VAPA: variants seen among roughly 807,000 people sequenced by gnomAD.
The protein encoded by VAPA is VAMP associated protein A.
In VAPA, 6 loss-of-function variants were observed where a neutral mutation model predicts 25.6. The ratio of observed to expected loss-of-function variants is 0.23; its 90% CI spans 0.13 to 0.46. The LOEUF is 0.46. Among genes scored for constraint, VAPA ranks in the 20% least tolerant of loss-of-function variants. The pLI is 0.99. For synonymous variants in VAPA, 112 were observed against 106.2 expected (o/e 1.05, Z -0.34); for missense variants, 244 against 302.1 (o/e 0.81, Z 1.43).
chr18:9,959,892 G>A lies in VAPA; in HGVS notation c.*5681G>A, dbSNP rs993426026. The A allele has an allele frequency of 1.1e-4, 16 of 152,054 alleles. No individual in the cohort carries two copies. The highest frequency in any genetic ancestry group is 3.9e-4 in the African/African-American group (16 of 41,412). The allele number at this position is 152,054 out of a possible 1,614,324, so 9.4% of individuals were successfully genotyped here. A position where few individuals can be genotyped will look rare whatever the true frequency, so the allele number is the denominator to read the frequency against. ...TTTTTGTGCTGTTTTAATTCAAAAT[G>A]TATATCCTTAATTGTATATAATATG... On this transcript the variant is annotated 3_prime_UTR_variant, in exon 6 of 6. Transcript: ENST00000400000.
intron 1 of VAPA, among the ~76,000 whole-genome samples, chr18:9,928,583 C>CT (rs1316592589): frequency 6.6e-6 from 1 of 152,098 alleles, no homozygotes; most frequent in Non-Finnish European, 1.5e-5. Context: ...GTTCTTAACT[C>CT]TAACTTCATA....
Position 9,914,177 on chromosome 18 carries a change from AGCCGTCGCC to A in VAPA, c.-72_-64del. 2 of 1,323,912 alleles carry A rather than the reference AGCCGTCGCC, an allele frequency of 1.5e-6. No homozygotes were observed. Among genetic ancestry groups the A allele is most frequent in the Non-Finnish European group, 2.1e-6 (2 of 966,214 alleles). The allele number at this position is 1,323,912 out of a possible 1,614,324, so 82.0% of individuals were successfully genotyped here. A position where few individuals can be genotyped will look rare whatever the true frequency, so the allele number is the denominator to read the frequency against. On this transcript the variant is annotated 5_prime_UTR_variant, in exon 1 of 6. Transcript: ENST00000400000. ...CTGGCCTCGTCCTAGAGCTCGGCCG[AGCCGTCGCC>A]GCCGTCGTCCCCCGCCCCCAGTCAG...
At chr18:9,935,074 G>A (rs2069294456) in intron 2 of VAPA, among the ~76,000 whole-genome samples, 1 of 128,394 alleles carries the variant, frequency 7.8e-6, no homozygotes. Context: ...CAGCCTGGGC[G>A]ACAGAGCAAG....
intron 4 of VAPA, among the ~76,000 whole-genome samples, chr18:9,939,594 T>C (rs1272404812): frequency 2.0e-5 from 3 of 151,910 alleles, no homozygotes; most frequent in Non-Finnish European, 4.4e-5. Flanking sequence ...TCCCACAGAA[T>C]TGATTTTGCT....
rs1282863112 is a variant in VAPA at position 9,954,673 on chromosome 18, TA to T, written c.*465del. The T allele has an allele frequency of 1.3e-5, 2 of 153,516 alleles. No homozygotes were observed. Among genetic ancestry groups the T allele is most frequent in the Non-Finnish European group, 2.9e-5 (2 of 68,704 alleles). 9.5% of individuals were successfully genotyped at this position (153,516 alleles called of 1,614,324 possible). A position where few individuals can be genotyped will look rare whatever the true frequency, so the allele number is the denominator to read the frequency against. ...TGGGGAAATGGTGCCTCTTACAGTG[TA>T]AATTTTTCCTCCTTTACCTTTGCTA... On this transcript the variant is annotated 3_prime_UTR_variant, in exon 6 of 6. Transcript: ENST00000400000.
At chr18:9,941,901 A>AT (rs2069369535) in intron 4 of VAPA, among the ~76,000 whole-genome samples, 1 of 152,212 alleles carries the variant, frequency 6.6e-6, no homozygotes, top group African/African-American at 2.4e-5. Context: ...TTGGTGATGT[A>AT]TTTTTTAAAA....
chr18:9,931,073 C>T (rs2069249894), intron 1 of VAPA, among the ~76,000 whole-genome samples: 1 of 152,072 alleles, frequency 6.6e-6, no homozygotes, highest in African/African-American at 2.4e-5. Flanking sequence ...TTTAAAATTA[C>T]TTTTGGAATA....
chr18:9,951,919 T>A (rs2069494135), intron 5 of VAPA, among the ~76,000 whole-genome samples: 1 of 152,196 alleles, frequency 6.6e-6, no homozygotes, highest in Admixed American at 6.5e-5. Flanking sequence ...TCCAAGCACT[T>A]GTCTGGGTAG....
At position 9,958,559 on chromosome 18, in the gene VAPA, G is replaced by C. The variant is rs2069574424; in HGVS notation, c.*4348G>C. On this transcript the variant is annotated 3_prime_UTR_variant, in exon 6 of 6. Coordinates refer to ENST00000400000, the MANE Select transcript of VAPA (RefSeq NM_194434.3). Reference sequence around the variant, plus strand: ...CTTGAATAGCACCCCCAGAGATACTGACCTAATTGGTCTGGGGTGGAGATC... The same window carrying C: ...CTTGAATAGCACCCCCAGAGATACTCACCTAATTGGTCTGGGGTGGAGATC... 1 of 151,662 alleles carries C rather than the reference G, an allele frequency of 6.6e-6. No individual in the cohort carries two copies. Among genetic ancestry groups the C allele is most frequent in the Non-Finnish European group, 1.5e-5 (1 of 67,928 alleles). The allele number at this position is 151,662 out of a possible 1,614,324, so 9.4% of individuals were successfully genotyped here. A position where few individuals can be genotyped will look rare whatever the true frequency, so the allele number is the denominator to read the frequency against.
chr18:9,941,107 T>A (rs148095467), intron 4 of VAPA, among the ~76,000 whole-genome samples: 1 of 151,872 alleles, frequency 6.6e-6, no homozygotes, highest in Non-Finnish European at 1.5e-5. Flanking sequence ...TAAAGAAATA[T>A]ATTTAACCCA....
intron 1 of VAPA, among the ~76,000 whole-genome samples, chr18:9,924,591 C>T (rs928348203): frequency 2.0e-5 from 3 of 151,124 alleles, no homozygotes; most frequent in African/African-American, 4.9e-5. Flanking sequence ...TTAAAAAGCA[C>T]TCCTAAAACG....
chr18:9,932,859 A>G (rs1006079550), intron 2 of VAPA, among the ~76,000 whole-genome samples: 1 of 152,182 alleles, frequency 6.6e-6, no homozygotes, highest in Non-Finnish European at 1.5e-5. Flanking sequence ...CTGTAATCCC[A>G]GCACTTTGGG....
chr18:9,936,809 A>G (rs1378168465), intron 3 of VAPA, 177 bp from the exon 4 acceptor site: 8 of 543,118 alleles, frequency 1.5e-5, no homozygotes, highest in South Asian at 5.3e-5. Context: ...AACTAGGATT[A>G]TATAAAGGTT....
intron 2 of VAPA, among the ~76,000 whole-genome samples, chr18:9,935,326 C>T (rs1040229273): frequency 5.9e-5 from 9 of 152,058 alleles, no homozygotes; most frequent in African/African-American, 2.2e-4. Context: ...AATCCTAGCA[C>T]TTCGGGAGGC....
At chr18:9,937,786 A>G (rs186295402) in intron 4 of VAPA, among the ~76,000 whole-genome samples, 1 of 152,196 alleles carries the variant, frequency 6.6e-6, no homozygotes, top group East Asian at 1.9e-4. Flanking sequence ...ATATGGATAA[A>G]TAGAATGGTG....
At chr18:9,920,991 T>C (rs1164101370) in intron 1 of VAPA, among the ~76,000 whole-genome samples, 1 of 152,236 alleles carries the variant, frequency 6.6e-6, no homozygotes, top group Non-Finnish European at 1.5e-5. Context: ...TGCTTACCTG[T>C]AATAACAGTA....
rs1280130642 is a variant in VAPA, at chr18:9,936,786, G to T, written c.337-200G>T. 7 of 464,198 alleles carry T rather than the reference G, an allele frequency of 1.5e-5. No individual in the cohort carries two copies. In the South Asian group the frequency reaches 2.6e-4, roughly 17 times the overall value. The allele number at this position is 464,198 out of a possible 1,614,324, so 28.8% of individuals were successfully genotyped here. ...CTAGTAATATCATCGTGATTTTAAT[G>T]GATGGTGATAGTAACTAGGATTATA... On this transcript the variant is annotated intron_variant, in intron 3 of 5. Coordinates refer to ENST00000400000, the MANE Select transcript of VAPA (RefSeq NM_194434.3).
rs1199328201 is a variant in VAPA at position 9,957,864 on chromosome 18, C to T, written c.*3653C>T. On this transcript the variant is annotated 3_prime_UTR_variant, in exon 6 of 6. Transcript: ENST00000400000. ...ACTATTTTTTAGTAGGAAGTGAGAA[C>T]AGCTGATTTTCATGCCACGTTTCAT... The T allele has an allele frequency of 6.6e-6, 1 of 152,190 alleles. No homozygotes were observed. The highest frequency in any genetic ancestry group is 1.5e-5 in the Non-Finnish European group (1 of 68,030). 9.4% of individuals were successfully genotyped at this position (152,190 alleles called of 1,614,324 possible). A position where few individuals can be genotyped will look rare whatever the true frequency, so the allele number is the denominator to read the frequency against.
At chr18:9,917,254 C>G (rs2069119213) in intron 1 of VAPA, among the ~76,000 whole-genome samples, 1 of 152,118 alleles carries the variant, frequency 6.6e-6, no homozygotes, top group Non-Finnish European at 1.5e-5. Context: ...TGATAAAATT[C>G]CATTTATAAT....
Sources: allele counts gnomAD v4.1 joint callset (sites outside exome capture counted in the v4.1 genomes callset), GRCh38; gene constraint gnomAD v4.1.1; transcripts MANE v1.5; gene names NCBI Gene and HGNC (gene_info 2026-07-23, HGNC 2026-07-21).